DLC1: variants seen among roughly 807,000 people sequenced by gnomAD.
DLC1 encodes the protein rho GTPase-activating protein 7.
In DLC1, 54 loss-of-function variants were observed where a neutral mutation model predicts 140.3. That is an observed-to-expected ratio of 0.38 (90% CI 0.31 to 0.48). The LOEUF is 0.48. Among genes scored for constraint, DLC1 ranks in the 20% least tolerant of loss-of-function variants. The pLI is 0.96. For missense variants in DLC1, 2,536 were observed against 1,907.0 expected, an observed-to-expected ratio of 1.33 and a Z score of -6.14; for synonymous variants, 986 against 728.1, an observed-to-expected ratio of 1.35 and a Z score of -5.70.
chr8:13,577,631 C>T (rs187346114), intron 1 of DLC1, among the ~76,000 whole-genome samples: 1 of 152,044 alleles, frequency 6.6e-6, no homozygotes, highest in Non-Finnish European at 1.5e-5. Context: ...AAAACAAATA[C>T]TTTTATGTTT....
chr8:13,231,315 A>C (rs1181609006), intron 5 of DLC1, among the ~76,000 whole-genome samples: 1 of 152,124 alleles, frequency 6.6e-6, no homozygotes, highest in African/African-American at 2.4e-5. Context: ...ACCAAAGAGC[A>C]TTAACCTTGG....
chr8:13,552,348 A>G (rs1004749198), intron 1 of DLC1, among the ~76,000 whole-genome samples: 2 of 150,300 alleles, frequency 1.3e-5, no homozygotes. Flanking sequence ...CTGATTGGTT[A>G]ATAATGAAAA....
At chr8:13,413,338 C>A (rs997025812) in intron 2 of DLC1, among the ~76,000 whole-genome samples, 3 of 130,792 alleles carry the variant, frequency 2.3e-5, no homozygotes, top group Non-Finnish European at 4.7e-5. Context: ...AATTCTTCTT[C>A]TTCCAATGTG....
chr8:13,309,379 C>T (rs533045673), intron 4 of DLC1, among the ~76,000 whole-genome samples: 2 of 152,178 alleles, frequency 1.3e-5, no homozygotes, highest in African/African-American at 2.4e-5. Flanking sequence ...TCTATGGCTC[C>T]CAACCACTCC....
intron 4 of DLC1, among the ~76,000 whole-genome samples, chr8:13,349,790 A>C (rs1834549512): frequency 6.6e-6 from 1 of 152,246 alleles, no homozygotes; most frequent in African/African-American, 2.4e-5. Context: ...GGCAACAGGA[A>C]GGAGAATCTA....
At chr8:13,443,428 G>A (rs1259229147) in intron 2 of DLC1, among the ~76,000 whole-genome samples, 1 of 151,054 alleles carries the variant, frequency 6.6e-6, no homozygotes, top group African/African-American at 2.4e-5. Flanking sequence ...GGGAGGCCAA[G>A]GCAGGAGGAT....
intron 2 of DLC1, among the ~76,000 whole-genome samples, chr8:13,452,525 G>C (rs1261671416): frequency 6.6e-6 from 1 of 152,150 alleles, no homozygotes; most frequent in Non-Finnish European, 1.5e-5. Flanking sequence ...TAAAGTGATA[G>C]GTACAAATAA....
At position 13,462,858 on chromosome 8, in the gene DLC1, T is replaced by G. The variant is rs143556047; in HGVS notation, c.1023+36191A>C. On this transcript the variant is annotated intron_variant, in intron 2 of 17. Coordinates refer to ENST00000276297, the MANE Select transcript of DLC1 (RefSeq NM_182643.3). ...AGAGCTCACTCTCTTCCAGCAGTGTTTAAAAAAGAACGTTGAACGCATAGT... is the reference window on the plus strand; with the variant it reads ...AGAGCTCACTCTCTTCCAGCAGTGTGTAAAAAAGAACGTTGAACGCATAGT... Among the ~76,000 whole-genome samples, 926 of 152,268 alleles carry G rather than the reference T, an allele frequency of 6.1e-3. 8 individuals carry two copies. Among genetic ancestry groups the G allele is most frequent in the South Asian group, 0.034 (162 of 4,826 alleles).
chr8:13,088,444 T>A (rs1817751484), intron 16 of DLC1, 43 bp downstream of exon 16: 2 of 1,598,640 alleles, frequency 1.3e-6, no homozygotes, highest in South Asian at 2.2e-5. Flanking sequence ...GGTTCATATA[T>A]GGAGTCATCC....
chr8:13,152,102 T>C (rs567939954), intron 5 of DLC1, among the ~76,000 whole-genome samples: 3 of 152,220 alleles, frequency 2.0e-5, no homozygotes, highest in Non-Finnish European at 4.4e-5. Context: ...AGTCTCAGGG[T>C]TGCTTTGAGT....
chr8:13,513,282 T>C (rs533618527), intron 1 of DLC1, among the ~76,000 whole-genome samples: 1 of 152,294 alleles, frequency 6.6e-6, no homozygotes, highest in Non-Finnish European at 1.5e-5. Flanking sequence ...AGATTTTAAT[T>C]AAATCATAAT....
chr8:13,134,056 G>T (rs1321015551), intron 5 of DLC1, among the ~76,000 whole-genome samples: 1 of 152,198 alleles, frequency 6.6e-6, no homozygotes, highest in East Asian at 1.9e-4. Flanking sequence ...CTTAGCTGGG[G>T]TCTGACTGCA....
chr8:13,436,167 G>T (rs1455944166), intron 2 of DLC1, among the ~76,000 whole-genome samples: 1 of 152,202 alleles, frequency 6.6e-6, no homozygotes, highest in Non-Finnish European at 1.5e-5. Flanking sequence ...TATTGCAGTG[G>T]TCTGGAATGG....
intron 1 of DLC1, among the ~76,000 whole-genome samples, chr8:13,553,750 T>C (rs750282830): frequency 1.1e-4 from 16 of 152,114 alleles, no homozygotes; most frequent in Non-Finnish European, 2.4e-4. Flanking sequence ...TTAGAACAAA[T>C]GCCCATCAGT....
At chr8:13,318,564 C>A (rs1832951721) in intron 4 of DLC1, among the ~76,000 whole-genome samples, 1 of 152,146 alleles carries the variant, frequency 6.6e-6, no homozygotes. Context: ...CTGCACATAT[C>A]CTTTACCATA....
chr8:13,485,301 C>G (rs1350100252), intron 2 of DLC1, among the ~76,000 whole-genome samples: 1 of 152,192 alleles, frequency 6.6e-6, no homozygotes, highest in African/African-American at 2.4e-5. Context: ...GTTTTATTCA[C>G]TCATCATAAA....
At chr8:13,530,739 G>A (rs1803069045) in intron 1 of DLC1, among the ~76,000 whole-genome samples, 1 of 152,126 alleles carries the variant, frequency 6.6e-6, no homozygotes, top group Non-Finnish European at 1.5e-5. Context: ...AATAAGCAAA[G>A]GAAGAGTGTG....
At chr8:13,318,727 A>C (rs894776609) in intron 4 of DLC1, among the ~76,000 whole-genome samples, 5 of 152,222 alleles carry the variant, frequency 3.3e-5, no homozygotes, top group Non-Finnish European at 5.9e-5. Context: ...ATTAATCTTA[A>C]GGGAGCAGGA....
intron 1 of DLC1, chr8:13,566,787 A>T: frequency 1.5e-6 from 1 of 659,136 alleles, no homozygotes; most frequent in Non-Finnish European, 2.4e-6. Context: ...AGCGCGGAGG[A>T]AAAGGCGGGA....
Sources: gnomAD v4.1 joint callset for allele counts (sites outside exome capture counted in the v4.1 genomes callset) on GRCh38, gnomAD v4.1.1 for gene constraint, MANE v1.5 for transcripts, NCBI Gene and HGNC (gene_info 2026-07-23, HGNC 2026-07-21) for gene names.